Variants in RHOU observed in about 807,000 individuals in gnomAD.
RHOU encodes rho-related GTP-binding protein RhoU.
A neutral mutation model predicts 12.6 loss-of-function variants in RHOU; 8 were observed. That is an observed-to-expected ratio of 0.64 (90% CI 0.37 to 1.15). The LOEUF is 1.15. RHOU is among the 50% of genes most tolerant of loss of function. The pLI is 0.01. For missense variants in RHOU, 258 were observed against 347.0 expected (o/e 0.74, Z 2.04); for synonymous variants, 161 against 147.4 (o/e 1.09, Z -0.67).
chr1:228,723,363 A>C, the RHOU span, among the ~76,000 whole-genome samples: 1 of 152,234 alleles, frequency 6.6e-6, no homozygotes, highest in African/African-American at 2.4e-5. Context: ...TGGAGGAAGC[A>C]GTGTCTGATT....
the RHOU span, among the ~76,000 whole-genome samples, chr1:228,714,829 C>T: frequency 4.7e-5 from 7 of 148,404 alleles, no homozygotes; most frequent in African/African-American, 1.3e-4. Flanking sequence ...CTGCAACCTC[C>T]GCCTCCCGGG....
chr1:228,743,468 G>C lies in RHOU; in HGVS notation c.505G>C (p.Val169Leu). ...AACGCAGTCGGATCTCAGAGAAGAT[G>C]TCAAAGTCCTCATTGAGTTGGACAA... ...VGTQSDLRED[V>L]KVLIELDKCK... Residue 169 changes from valine (V) to leucine (L), a missense_variant, in exon 3 of 3, where the codon GTC becomes CTC. Val to Leu is a conservative substitution (Grantham distance 32). Transcript: ENST00000366691. This position sits in a 1 kb window ranked among gnomAD's most constrained non-coding sequence, Gnocchi z 5.1. 6.2e-7 allele frequency: 1 copy of C among 1,614,164 alleles called. No individual in the cohort carries two copies. Among genetic ancestry groups the C allele is most frequent in the Non-Finnish European group, 8.5e-7 (1 of 1,180,036 alleles).
the RHOU span, chr1:228,650,456 C>T: frequency 3.1e-5 from 14 of 456,700 alleles, no homozygotes; most frequent in South Asian, 9.3e-5. Flanking sequence ...CCTCGGAGCA[C>T]GCTGCTGCTG....
At chr1:228,713,068 A>G in the RHOU span, among the ~76,000 whole-genome samples, 1 of 151,760 alleles carries the variant, frequency 6.6e-6, no homozygotes, top group Non-Finnish European at 1.5e-5. Flanking sequence ...TTGGTGTTTG[A>G]CCCATTTCCT....
the RHOU span, among the ~76,000 whole-genome samples, chr1:228,697,044 G>A: frequency 6.6e-6 from 1 of 152,144 alleles, no homozygotes; most frequent in South Asian, 2.1e-4. Flanking sequence ...TGACTAGATG[G>A]TTTGATGATC....
chr1:228,682,306 A>G, the RHOU span, among the ~76,000 whole-genome samples: 1 of 152,196 alleles, frequency 6.6e-6, no homozygotes, highest in East Asian at 1.9e-4. Context: ...AGGACAGGGG[A>G]CTGGTCTCCC....
At chr1:228,695,344 G>A in the RHOU span, among the ~76,000 whole-genome samples, 2 of 152,114 alleles carry the variant, frequency 1.3e-5, no homozygotes, top group Non-Finnish European at 2.9e-5. Context: ...AATCAACACA[G>A]AAGACTTCTG....
chr1:228,708,363 C>T, the RHOU span, among the ~76,000 whole-genome samples: 2 of 151,674 alleles, frequency 1.3e-5, no homozygotes, highest in South Asian at 4.2e-4. Flanking sequence ...TTGTCAGATT[C>T]ACCAAAGTTG....
the RHOU span, among the ~76,000 whole-genome samples, chr1:228,654,911 G>A: frequency 2.0e-5 from 3 of 152,056 alleles, no homozygotes; most frequent in African/African-American, 7.2e-5. Context: ...CTAATTCTAT[G>A]TGCTGTACCT....
At chr1:228,676,263 G>A in the RHOU span, among the ~76,000 whole-genome samples, 3 of 151,974 alleles carry the variant, frequency 2.0e-5, no homozygotes, top group Non-Finnish European at 2.9e-5. Context: ...GAGCCTCAGT[G>A]CCTGAACCTT....
the RHOU span, among the ~76,000 whole-genome samples, chr1:228,674,645 C>G: frequency 6.6e-6 from 1 of 151,952 alleles, no homozygotes; most frequent in African/African-American, 2.4e-5. Flanking sequence ...CGCACCCCAG[C>G]TGTTTAGTAC....
rs1662634118 is a variant in RHOU, at chr1:228,737,510, T to C, written c.263-163T>C. On this transcript the variant is annotated intron_variant, in intron 1 of 2. Coordinates refer to ENST00000366691, the MANE Select transcript of RHOU (RefSeq NM_021205.6). This position sits in a 1 kb window ranked among gnomAD's most constrained non-coding sequence, Gnocchi z 4.1. ...CCGTGGGTTTGTATACAAAAATGCC[T>C]CCACAGGGCCTCCTTGTTTTTGGCT... Among the ~76,000 whole-genome samples the C allele has an allele frequency of 1.3e-5, 2 of 152,192 alleles. No individual in the cohort carries two copies. The highest frequency in any genetic ancestry group is 2.9e-5 in the Non-Finnish European group (2 of 68,040).
chr1:228,672,217 G>A, the RHOU span, among the ~76,000 whole-genome samples: 4 of 152,152 alleles, frequency 2.6e-5, no homozygotes, highest in Non-Finnish European at 5.9e-5. Flanking sequence ...GCCCAGGCTG[G>A]AGTGCAATGG....
chr1:228,731,859 AC>A (rs1179464194), upstream of RHOU, among the ~76,000 whole-genome samples: 25 of 152,090 alleles, frequency 1.6e-4, no homozygotes, highest in Admixed American at 1.6e-3. Flanking sequence ...GAAATTCTGC[AC>A]CCAGTTTTCA....
the RHOU span, among the ~76,000 whole-genome samples, chr1:228,722,025 T>A: frequency 6.6e-6 from 1 of 152,322 alleles, no homozygotes; most frequent in Non-Finnish European, 1.5e-5. Context: ...GAAACAATTC[T>A]TTGGCAAATA....
the RHOU span, among the ~76,000 whole-genome samples, chr1:228,652,173 G>A: frequency 6.6e-6 from 1 of 152,188 alleles, no homozygotes; most frequent in Non-Finnish European, 1.5e-5. Flanking sequence ...TACCATCAAG[G>A]TGGCGGCACC....
At chr1:228,653,390 GC>G in the RHOU span, among the ~76,000 whole-genome samples, 5 of 152,144 alleles carry the variant, frequency 3.3e-5, no homozygotes, top group Non-Finnish European at 5.9e-5. Flanking sequence ...TGCCATCTCG[GC>G]TCACTGCAAC....
upstream of RHOU, among the ~76,000 whole-genome samples, chr1:228,734,319 C>G (rs977129387): frequency 1.3e-5 from 2 of 152,064 alleles, no homozygotes; most frequent in Non-Finnish European, 2.9e-5. Flanking sequence ...ATAAATCCAT[C>G]TCTGCATTCT....
At position 228,743,706 on chromosome 1, in the gene RHOU, A is replaced by T; in HGVS notation, c.743A>T (p.Lys248Met). 1 of 1,613,676 alleles carries T rather than the reference A, an allele frequency of 6.2e-7. No homozygotes were observed. The highest frequency in any genetic ancestry group is 2.2e-5 in the East Asian group (1 of 44,886). Residue 248 changes from lysine (K) to methionine (M), a missense_variant, in exon 3 of 3, where the codon AAG becomes ATG. Transcript: ENST00000366691. This position sits in a 1 kb window ranked among gnomAD's most constrained non-coding sequence, Gnocchi z 5.1. ...RTPDKMKNLSKSWWKKYCCFV is the reference protein window; with the variant it reads ...RTPDKMKNLSMSWWKKYCCFV ...CCAGATAAAATGAAAAACCTCTCCA[A>T]GTCCTGGTGGAAGAAGTACTGCTGT...
Sources: allele counts gnomAD v4.1 joint callset (sites outside exome capture counted in the v4.1 genomes callset), GRCh38; gene constraint gnomAD v4.1.1; non-coding constraint Gnocchi (gnomAD v3.1); transcripts MANE v1.5; gene names NCBI Gene and HGNC (gene_info 2026-07-23, HGNC 2026-07-21).